BCAR1: variants seen among roughly 807,000 people sequenced by gnomAD.
The protein encoded by BCAR1 is BCAR1 scaffold protein, Cas family member.
A neutral mutation model predicts 67.6 loss-of-function variants in BCAR1; 30 were observed. The ratio of observed to expected loss-of-function variants is 0.44; its 90% CI spans 0.33 to 0.60. BCAR1 has a LOEUF of 0.60. Ranked by LOEUF, BCAR1 falls within the 20% of genes least tolerant of loss-of-function variation. The pLI, the probability that BCAR1 is intolerant of heterozygous loss-of-function variation, is 0.02. For synonymous variants in BCAR1, 626 were observed against 556.7 expected, an observed-to-expected ratio of 1.12 and a Z score of -1.75; for missense variants, 1,313 against 1,222.3, an observed-to-expected ratio of 1.07 and a Z score of -1.11.
At chr16:75,265,450 C>A (rs1008781841) in intron 1 of BCAR1, among the ~76,000 whole-genome samples, 1 of 152,134 alleles carries the variant, frequency 6.6e-6, no homozygotes, top group African/African-American at 2.4e-5. Context: ...AGAGACCCCT[C>A]CCCGCTAGGC....
At chr16:75,240,288 T>C (rs922077581) in intron 2 of BCAR1, among the ~76,000 whole-genome samples, 5 of 152,104 alleles carry the variant, frequency 3.3e-5, no homozygotes, top group African/African-American at 9.7e-5. Flanking sequence ...TTCCCAGGCA[T>C]TTGAGGGGCA....
At position 75,234,906 on chromosome 16, in the gene BCAR1, C is replaced by T. The variant is rs925471936; in HGVS notation, c.1993G>A (p.Asp665Asn). ...NSEGGWMEDY[D>N]YVHLQGKEEF... ...GCACCCACCTGTAGGTGGACGTAGT[C>T]ATAGTCCTCCATCCAGCCCCCCTCG... Residue 665 changes from aspartate to asparagine, a missense_variant, in exon 5 of 7, where the codon GAC becomes AAC. Physicochemically the swap from Asp to Asn is conservative, Grantham distance 23. Transcript: ENST00000162330. The T allele has an allele frequency of 6.5e-7, 1 of 1,540,462 alleles. No individual in the cohort carries two copies. The highest frequency in any genetic ancestry group is 1.4e-5 in the African/African-American group (1 of 73,300).
rs757785506 is a variant in BCAR1 at position 75,229,561 on chromosome 16, G to A, written c.2563C>T (p.His855Tyr). Residue 855 changes from histidine to tyrosine, a missense_variant, in exon 7 of 7, where the codon CAC becomes TAC. By Grantham distance (83) the His-to-Tyr change is moderately conservative (BLOSUM62 2). Transcript: ENST00000162330. ...DMVERVKELG[H>Y]STQQFRRVLG... ...ACGCGGCGGAACTGCTGGGTGCTGTGGCCCAGCTCCTTGACCCTCTCCACC... is the reference window on the plus strand; with the variant it reads ...ACGCGGCGGAACTGCTGGGTGCTGTAGCCCAGCTCCTTGACCCTCTCCACC... 2 of 1,606,868 alleles carry A rather than the reference G, an allele frequency of 1.2e-6. No individual in the cohort carries two copies. Among genetic ancestry groups the A allele is most frequent in the Non-Finnish European group, 1.7e-6 (2 of 1,177,546 alleles).
chr16:75,267,615 C>T (rs913252661), intron 1 of BCAR1, among the ~76,000 whole-genome samples: 3 of 152,008 alleles, frequency 2.0e-5, no homozygotes, highest in Non-Finnish European at 4.4e-5. Context: ...CTCTCCTTTG[C>T]TCCTCGCCCA....
intron 1 of BCAR1, chr16:75,246,480 G>A (rs28439846): frequency 0.14 from 22,035 of 152,186 alleles, 1,911 homozygotes; most frequent in East Asian, 0.34. Flanking sequence ...GGTCAGAGAC[G>A]GCCTCCCCAA....
intron 6 of BCAR1, among the ~76,000 whole-genome samples, chr16:75,231,645 C>G (rs757772397): frequency 8.5e-5 from 13 of 152,208 alleles, no homozygotes; most frequent in Non-Finnish European, 1.2e-4. Flanking sequence ...AATCCAGCTT[C>G]TAGCAAGTTA....
chr16:75,245,306 G>T (rs1309669162), intron 1 of BCAR1, among the ~76,000 whole-genome samples: 1 of 152,234 alleles, frequency 6.6e-6, no homozygotes, highest in Non-Finnish European at 1.5e-5. Flanking sequence ...GTGACCACAG[G>T]AAGTGCCAGC....
chr16:75,248,035 C>A (rs1174541435), intron 1 of BCAR1: 1 of 1,423,928 alleles, frequency 7.0e-7, no homozygotes, highest in Non-Finnish European at 9.8e-7. Flanking sequence ...CTCAAAACAA[C>A]CCCATAAGAC....
intron 4 of BCAR1, 158 bp from the exon 5 acceptor site, chr16:75,236,144 G>T: frequency 3.3e-6 from 3 of 896,590 alleles, no homozygotes; most frequent in Non-Finnish European, 4.9e-6. Flanking sequence ...AAATGCAGAG[G>T]CACGCACACA....
intron 5 of BCAR1, 69 bp downstream of exon 5, chr16:75,234,819 CA>C: frequency 6.6e-7 from 1 of 1,505,788 alleles, no homozygotes; most frequent in Non-Finnish European, 8.9e-7. Context: ...CAGCTGAGAA[CA>C]AATCTCCCCC....
Position 75,233,640 on chromosome 16 carries a change from A to G in BCAR1, c.2100+206T>C, listed in dbSNP as rs941551208. On this transcript the variant is annotated intron_variant, in intron 6 of 6. Transcript: ENST00000162330. ...ACTCTCTAATTCCCTAAATGTCTCC[A>G]ACAATTACTCTTGAAAACTTTAAAA... Among the ~76,000 whole-genome samples the G allele has an allele frequency of 5.3e-5, 8 of 152,194 alleles. No individual in the cohort carries two copies. The East Asian group carries it at 1.3e-3, about 26-fold the overall frequency.
At chr16:75,265,653 G>T (rs1031955818) in intron 1 of BCAR1, among the ~76,000 whole-genome samples, 1 of 151,918 alleles carries the variant, frequency 6.6e-6, no homozygotes. Flanking sequence ...CAGAGAGGCC[G>T]GCTTGGGGGA....
intron 1 of BCAR1, chr16:75,248,257 A>C: frequency 2.7e-6 from 4 of 1,470,532 alleles, no homozygotes; most frequent in Non-Finnish European, 3.6e-6. Flanking sequence ...CCTCCTGTCC[A>C]CGCCCCCAAC....
intron 1 of BCAR1, among the ~76,000 whole-genome samples, chr16:75,260,454 T>G (rs1315939118): frequency 1.3e-5 from 2 of 151,910 alleles, no homozygotes; most frequent in Non-Finnish European, 2.9e-5. Flanking sequence ...GCCAACATGG[T>G]GAAACCGTGT....
chr16:75,236,847 A>C (rs1473039495), intron 4 of BCAR1, 35 bp downstream of exon 4: 1 of 1,603,734 alleles, frequency 6.2e-7, no homozygotes, highest in Non-Finnish European at 8.5e-7. Flanking sequence ...CCACAGCCTC[A>C]GCCTGGCCCT....
intron 1 of BCAR1, among the ~76,000 whole-genome samples, chr16:75,262,305 G>A (rs2077921654): frequency 6.6e-6 from 1 of 152,204 alleles, no homozygotes; most frequent in Admixed American, 6.5e-5. Flanking sequence ...CAGAAGGCAC[G>A]AGAGACAGCG....
chr16:75,243,279 T>A (rs2077414185), intron 1 of BCAR1, among the ~76,000 whole-genome samples, 189 bp from the exon 2 acceptor site: 2 of 152,122 alleles, frequency 1.3e-5, no homozygotes. Flanking sequence ...AAGGCCCAGC[T>A]GATCCTGGCC....
intron 6 of BCAR1, among the ~76,000 whole-genome samples, chr16:75,231,071 G>C (rs2076884212): frequency 1.3e-5 from 2 of 151,554 alleles, no homozygotes; most frequent in African/African-American, 4.8e-5. Context: ...TATAAAGAAG[G>C]AGTCTTGATC....
At chr16:75,264,576 C>T in intron 1 of BCAR1, 1 of 1,350,980 alleles carries the variant, frequency 7.4e-7, no homozygotes, top group Non-Finnish European at 9.5e-7. Context: ...CACATCAGCA[C>T]AGTCTGGAAG....
Sources: allele counts gnomAD v4.1 joint callset (sites outside exome capture counted in the v4.1 genomes callset), GRCh38; gene constraint gnomAD v4.1.1; transcripts MANE v1.5; gene names NCBI Gene and HGNC (gene_info 2026-07-23, HGNC 2026-07-21).